CLIC3: variants seen among roughly 807,000 people sequenced by gnomAD.
The protein encoded by CLIC3 is CLIC family member 3, also known as chloride intracellular channel protein 3.
CLIC3 carries 29 observed loss-of-function variants against 19.9 expected under a neutral mutation model. That is an observed-to-expected ratio of 1.46 (90% CI 1.09 to 1.99). CLIC3 has a LOEUF of 1.99. Ranked by LOEUF, CLIC3 falls within the 30% of genes most tolerant of loss-of-function variation. CLIC3 has a pLI of 0.00. For synonymous variants in CLIC3, 143 were observed against 156.4 expected, an observed-to-expected ratio of 0.91 and a Z score of 0.64; for missense variants, 365 against 342.6, an observed-to-expected ratio of 1.07 and a Z score of -0.52.
Position 136,995,583 on chromosome 9 carries a change from G to A in CLIC3, c.144-16C>T, listed in dbSNP as rs1370831548. The A allele has an allele frequency of 6.2e-7, 1 of 1,611,408 alleles. No individual in the cohort carries two copies. Among genetic ancestry groups the A allele is most frequent in the Non-Finnish European group, 8.5e-7 (1 of 1,179,012 alleles). ...GTCCGGGGACCTGCGGGCAGCAGCG[G>A]GGTGGGAGGAGGCCGGCCCACCAGT... On this transcript the variant is annotated splice_polypyrimidine_tract_variant and intron_variant, in intron 2 of 5. Coordinates refer to ENST00000494426, the MANE Select transcript of CLIC3 (RefSeq NM_004669.3).
rs199992644 is a variant in CLIC3 at position 136,995,443 on chromosome 9, C to T, written c.268G>A (p.Asp90Asn). ...DFLEETLGPP[D>N]FPSLAPRYRE... ...CTCCCACCCTGCCGGGGCTCTCACTCGGGCGGCCCCAGCGTCTCCTCCAGA... is the reference window on the plus strand; with the variant it reads ...CTCCCACCCTGCCGGGGCTCTCACTTGGGCGGCCCCAGCGTCTCCTCCAGA... Residue 90 changes from aspartate to asparagine, a missense_variant and splice_region_variant, in exon 3 of 6, where the codon GAC (aspartate) becomes AAC (asparagine). Physicochemically the swap from Asp to Asn is conservative, Grantham distance 23. Coordinates refer to ENST00000494426, the MANE Select transcript of CLIC3 (RefSeq NM_004669.3). The T allele has an allele frequency of 6.0e-5, 96 of 1,612,314 alleles. No homozygotes were observed. In the East Asian group the frequency reaches 1.1e-3, roughly 18 times the overall value.
Position 136,995,297 on chromosome 9 carries a change from G to A in CLIC3, c.270-5C>T. 1.2e-6 allele frequency: 2 copies of A among 1,611,776 alleles called. No homozygotes were observed. Among genetic ancestry groups the A allele is most frequent in the Non-Finnish European group, 8.5e-7 (1 of 1,179,178 alleles). On this transcript the variant is annotated splice_polypyrimidine_tract_variant and splice_region_variant and intron_variant, in intron 3 of 5. Coordinates refer to ENST00000494426, the MANE Select transcript of CLIC3 (RefSeq NM_004669.3). ...CGAGGCGCCAGGCTGGGGAAGCTGC[G>A]GGATGAGGGGGTGGGACTCCATTAG...
At position 136,995,455 on chromosome 9, in the gene CLIC3, G is replaced by T. The variant is rs778833124; in HGVS notation, c.256C>A (p.Leu86Met). The change falls in exon 3 of 6, where the codon CTG becomes ATG. Residue 86 changes from leucine to methionine, a missense_variant. Leu to Met is a conservative substitution (Grantham distance 15). Transcript: ENST00000494426. ...LQIEDFLEET[L>M]GPPDFPSLAP... ...CGGGGCTCTCACTCGGGCGGCCCCAGCGTCTCCTCCAGAAAGTCCTCGATC... is the reference window on the plus strand; with the variant it reads ...CGGGGCTCTCACTCGGGCGGCCCCATCGTCTCCTCCAGAAAGTCCTCGATC... The T allele has an allele frequency of 1.2e-6, 2 of 1,612,490 alleles. No individual in the cohort carries two copies. The highest frequency in any genetic ancestry group is 2.2e-5 in the South Asian group (2 of 91,086).
intron 1 of CLIC3, 58 bp from the exon 2 acceptor site, chr9:136,995,815 C>G: frequency 8.2e-7 from 1 of 1,221,552 alleles, no homozygotes; most frequent in Non-Finnish European, 1.1e-6. Flanking sequence ...AGGCATCCTG[C>G]CGCCAGGCTG....
Position 136,995,199 on chromosome 9 carries a change from G to A in CLIC3, c.363C>T (p.Pro121=), listed in dbSNP as rs765841277. The A allele has an allele frequency of 4.8e-5, 77 of 1,612,396 alleles. No homozygotes were observed. The highest frequency in any genetic ancestry group is 6.4e-5 in the Non-Finnish European group (76 of 1,179,788). The part of the protein sequence containing the change: ...KFSAFIKNPV[P]AQDEALYQQL... Reference sequence around the variant, plus strand: ...ACCCCGCTTCACCTTCGTCCTGCGCGGGCACCGGGTTCTTGATGAACGCGG... The same window carrying A: ...ACCCCGCTTCACCTTCGTCCTGCGCAGGCACCGGGTTCTTGATGAACGCGG... Residue 121 remains proline (P), a synonymous_variant, in exon 4 of 6, where the codon CCC becomes CCT. Transcript: ENST00000494426.
rs183888277 is a variant in CLIC3 at position 136,996,192 on chromosome 9, C to A, written c.33+319G>T. On this transcript the variant is annotated intron_variant, in intron 1 of 5. Transcript: ENST00000494426. Reference sequence around the variant, plus strand: ...TGGGGCTGCCTGGCCCAGCACCCCCCATCCTGGAACACCGACCGTAAGCTC... The same window carrying A: ...TGGGGCTGCCTGGCCCAGCACCCCCAATCCTGGAACACCGACCGTAAGCTC... Among the ~76,000 whole-genome samples the A allele has an allele frequency of 4.9e-4, 75 of 152,316 alleles. 1 individual carries two copies. The East Asian group carries it at 8.9e-3, about 18-fold the overall frequency.
Position 136,994,978 on chromosome 9 carries a change from C to T in CLIC3, c.504G>A (p.Arg168=). The part of the protein sequence containing the change: ...ESRRRFLDGD[R]LTLADCSLLP... ...GGAGGCTGCAGTCGGCCAGCGTGAG[C>T]CTGTCGCCGTCCAGGAAGCGGCGGC... is the stretch of plus-strand genomic sequence containing the variant. The change falls in exon 5 of 6, where the codon AGG becomes AGA. Residue 168 remains arginine, a synonymous_variant. Coordinates refer to ENST00000494426, the MANE Select transcript of CLIC3 (RefSeq NM_004669.3). 1 of 1,501,250 alleles carries T rather than the reference C, an allele frequency of 6.7e-7. No individual in the cohort carries two copies. The highest frequency in any genetic ancestry group is 8.8e-7 in the Non-Finnish European group (1 of 1,130,832). 93.0% of individuals were successfully genotyped at this position (1,501,250 alleles called of 1,614,324 possible). A position where few individuals can be genotyped will look rare whatever the true frequency, so the allele number is the denominator to read the frequency against.
intron 1 of CLIC3, 27 bp downstream of exon 1, chr9:136,996,484 C>A: frequency 6.4e-7 from 1 of 1,551,306 alleles, no homozygotes; most frequent in South Asian, 1.2e-5. Context: ...CCCAGACACC[C>A]TCCCCGCAGC....
Position 136,994,844 on chromosome 9 carries a change from G to A in CLIC3, c.553-5C>T. 1.4e-5 allele frequency: 22 copies of A among 1,545,714 alleles called. No homozygotes were observed. Among genetic ancestry groups the A allele is most frequent in the Non-Finnish European group, 1.8e-5 (21 of 1,147,676 alleles). Reference sequence around the variant, plus strand: ...GCGGAAGTGCGCGCACACCGTCTGCGGGCAGGATCGCGGGGCGCGGTCAGG... The same window carrying A: ...GCGGAAGTGCGCGCACACCGTCTGCAGGCAGGATCGCGGGGCGCGGTCAGG... On this transcript the variant is annotated splice_polypyrimidine_tract_variant and splice_region_variant and intron_variant, in intron 5 of 5. Transcript: ENST00000494426.
Position 136,994,737 on chromosome 9 carries a change from A to C in CLIC3, c.655T>G (p.Cys219Gly), listed in dbSNP as rs1162902377. Residue 219 changes from cysteine to glycine, a missense_variant, in exon 6 of 6, where the codon TGT becomes GGT. Cys to Gly is a radical substitution (Grantham distance 159). Transcript: ENST00000494426. Reference sequence around the variant, plus strand: ...GCCAGGATCTCGGCGCTGTGCGGACACGTGTATTTGAACTCTTTCTCCTGC... The same window carrying C: ...GCCAGGATCTCGGCGCTGTGCGGACCCGTGTATTTGAACTCTTTCTCCTGC... ...AMQEKEFKYT[C>G]PHSAEILAAY... 1 of 1,609,706 alleles carries C rather than the reference A, an allele frequency of 6.2e-7. No homozygotes were observed. The highest frequency in any genetic ancestry group is 8.5e-7 in the Non-Finnish European group (1 of 1,178,738).
At position 136,994,985 on chromosome 9, in the gene CLIC3, C is replaced by T; in HGVS notation, c.497G>A (p.Gly166Asp). The T allele has an allele frequency of 6.6e-7, 1 of 1,505,878 alleles. No individual in the cohort carries two copies. The allele number at this position is 1,505,878 out of a possible 1,614,324, so 93.3% of individuals were successfully genotyped here. A position where few individuals can be genotyped will look rare whatever the true frequency, so the allele number is the denominator to read the frequency against. Reference protein sequence around the residue: ...LRESRRRFLDGDRLTLADCSL... With the variant: ...LRESRRRFLDDDRLTLADCSL... ...GCAGTCGGCCAGCGTGAGCCTGTCG[C>T]CGTCCAGGAAGCGGCGGCGGGACTC... The change falls in exon 5 of 6, where the codon GGC becomes GAC. Residue 166 changes from glycine to aspartate, a missense_variant. Physicochemically the swap from Gly to Asp is moderately conservative, Grantham distance 94 (BLOSUM62 -1). Coordinates refer to ENST00000494426, the MANE Select transcript of CLIC3 (RefSeq NM_004669.3).
intron 5 of CLIC3, 33 bp from the exon 6 acceptor site, chr9:136,994,872 C>T: frequency 6.7e-7 from 1 of 1,498,016 alleles, no homozygotes. Flanking sequence ...CGGTCAGGAC[C>T]TGCCGTCCCC....
chr9:136,996,273 T>C (rs1335014547), intron 1 of CLIC3, among the ~76,000 whole-genome samples: 1 of 152,114 alleles, frequency 6.6e-6, no homozygotes, highest in African/African-American at 2.4e-5. Context: ...TCCAGAAGAC[T>C]GGGCTGGGCC....
rs951639300 is a variant in CLIC3, at chr9:136,996,476, C to T, written c.33+35G>A. The T allele has an allele frequency of 2.6e-6, 4 of 1,548,388 alleles. No individual in the cohort carries two copies. In the South Asian group the frequency reaches 3.6e-5, roughly 14 times the overall value. On this transcript the variant is annotated intron_variant, in intron 1 of 5. Transcript: ENST00000494426. Reference sequence around the variant, plus strand: ...CAAAGCCCAGAAAAGCGCTTCCTCCCAGACACCCTCCCCGCAGCTGAGTCC... The same window carrying T: ...CAAAGCCCAGAAAAGCGCTTCCTCCTAGACACCCTCCCCGCAGCTGAGTCC...
intron 3 of CLIC3, 39 bp downstream of exon 3, chr9:136,995,403 C>T (rs772471867): frequency 1.9e-5 from 31 of 1,610,596 alleles, no homozygotes; most frequent in Non-Finnish European, 2.5e-5. Context: ...CCTCCCTGGG[C>T]CCCCCTCTTT....
chr9:136,995,713 C>G lies in CLIC3; in HGVS notation c.78G>C (p.Gln26His), dbSNP rs1425430351. Residue 26 changes from glutamine to histidine, a missense_variant, in exon 2 of 6, where the codon CAG becomes CAC. Gln to His is a conservative substitution (Grantham distance 24). Transcript: ENST00000494426. ...TGAGGAGCAGGACCATGAAGAGCCGCTGGCAGGAGGGGCAGTGACCCACGC... is the reference window on the plus strand; with the variant it reads ...TGAGGAGCAGGACCATGAAGAGCCGGTGGCAGGAGGGGCAGTGACCCACGC... ...GESVGHCPSC[Q>H]RLFMVLLLKG... 1 of 1,603,196 alleles carries G rather than the reference C, an allele frequency of 6.2e-7. No homozygotes were observed. The highest frequency in any genetic ancestry group is 8.5e-7 in the Non-Finnish European group (1 of 1,176,210).
rs1260734998 is a variant in CLIC3 at position 136,994,699 on chromosome 9, G to A, written c.693C>T (p.Pro231=). Reference sequence around the variant, plus strand: ...TGGGGCGCTAGCGGGGGTGCACGGCGGGCCGGTAGGCCGCCAGGATCTCGG... The same window carrying A: ...TGGGGCGCTAGCGGGGGTGCACGGCAGGCCGGTAGGCCGCCAGGATCTCGG... ...HSAEILAAYR[P]AVHPR The change falls in exon 6 of 6, where the codon CCC becomes CCT. Residue 231 remains proline, a synonymous_variant. Transcript: ENST00000494426. The A allele has an allele frequency of 1.9e-6, 3 of 1,609,294 alleles. No individual in the cohort carries two copies. Among genetic ancestry groups the A allele is most frequent in the African/African-American group, 1.3e-5 (1 of 74,854 alleles).
At position 136,994,621 on chromosome 9, in the gene CLIC3, C is replaced by G. The variant is rs1830667769; in HGVS notation, c.*60G>C. 2.1e-5 allele frequency: 33 copies of G among 1,547,798 alleles called. No homozygotes were observed. Among genetic ancestry groups the G allele is most frequent in the Non-Finnish European group, 2.7e-5 (31 of 1,143,542 alleles). ...CCGAGACCTCTGGCCCTTCAGATGT[C>G]AGGACACCCTCACTCCCGACAAAGA... On this transcript the variant is annotated 3_prime_UTR_variant, in exon 6 of 6. Coordinates refer to ENST00000494426, the MANE Select transcript of CLIC3 (RefSeq NM_004669.3).
chr9:136,994,747 G>C lies in CLIC3; in HGVS notation c.645C>G (p.Phe215Leu), dbSNP rs1830670154. 1.2e-6 allele frequency: 2 copies of C among 1,608,662 alleles called. No homozygotes were observed. Among genetic ancestry groups the C allele is most frequent in the South Asian group, 2.2e-5 (2 of 90,398 alleles). ...YLDSAMQEKE[F>L]KYTCPHSAEI... ...CGGCGCTGTGCGGACACGTGTATTT[G>C]AACTCTTTCTCCTGCATCGCGCTGT... The change falls in exon 6 of 6, where the codon TTC becomes TTG. Residue 215 changes from phenylalanine (F) to leucine (L), a missense_variant. Physicochemically the swap from Phe to Leu is conservative, Grantham distance 22. Coordinates refer to ENST00000494426, the MANE Select transcript of CLIC3 (RefSeq NM_004669.3).
Sources: allele counts gnomAD v4.1 joint callset (sites outside exome capture counted in the v4.1 genomes callset), GRCh38; gene constraint gnomAD v4.1.1; transcripts MANE v1.5; gene names NCBI Gene and HGNC (gene_info 2026-07-23, HGNC 2026-07-21).